Variants in HOMEZ observed in about 807,000 individuals in gnomAD.
The protein encoded by HOMEZ is homeobox and leucine zipper protein Homez.
A neutral mutation model predicts 50.1 loss-of-function variants in HOMEZ; 20 were observed. The observed-to-expected ratio is 0.40, with a 90% CI of 0.28 to 0.58. The LOEUF is 0.58. HOMEZ is among the 20% of genes least tolerant of loss of function. The pLI is 0.46. For missense variants in HOMEZ, 579 were observed against 680.5 expected (o/e 0.85, Z 1.66); for synonymous variants, 239 against 254.7 (o/e 0.94, Z 0.59).
chr14:23,272,776 T>C lies in HOMEZ; in HGVS notation c.*2799A>G, dbSNP rs1886202910. ...AGGTCAGAGAGACTTGCTTGCCCTT[T>C]TTGCTGTTATAAACACCCACATCTA... On this transcript the variant is annotated 3_prime_UTR_variant, in exon 2 of 2. Transcript: ENST00000357460. 2 of 1,256,282 alleles carry C rather than the reference T, an allele frequency of 1.6e-6. No homozygotes were observed. Among genetic ancestry groups the C allele is most frequent in the East Asian group, 5.0e-5 (2 of 39,608 alleles). The allele number at this position is 1,256,282 out of a possible 1,614,324, so 77.8% of individuals were successfully genotyped here. A position where few individuals can be genotyped will look rare whatever the true frequency, so the allele number is the denominator to read the frequency against.
At position 23,274,777 on chromosome 14, in the gene HOMEZ, G is replaced by A. The variant is rs1886300345; in HGVS notation, c.*798C>T. 1 of 152,140 alleles carries A rather than the reference G, an allele frequency of 6.6e-6. No homozygotes were observed. The allele number at this position is 152,140 out of a possible 1,614,324, so 9.4% of individuals were successfully genotyped here. A position where few individuals can be genotyped will look rare whatever the true frequency, so the allele number is the denominator to read the frequency against. ...AAAAAGTAGCCGGGTGTGGTGGCAGGTGCCTGTAGTCCCAGCTACTCGGGA... is the reference window on the plus strand; with the variant it reads ...AAAAAGTAGCCGGGTGTGGTGGCAGATGCCTGTAGTCCCAGCTACTCGGGA... On this transcript the variant is annotated 3_prime_UTR_variant, in exon 2 of 2. Coordinates refer to ENST00000357460, the MANE Select transcript of HOMEZ (RefSeq NM_020834.3).
chr14:23,278,553 A>G (rs1447791771), intron 1 of HOMEZ, among the ~76,000 whole-genome samples: 2 of 151,896 alleles, frequency 1.3e-5, no homozygotes, highest in Admixed American at 6.6e-5. Flanking sequence ...TTTTGTAGAC[A>G]GGGTCTCACT....
chr14:23,280,057 GC>G (rs1288015725), intron 1 of HOMEZ, among the ~76,000 whole-genome samples: 4 of 151,984 alleles, frequency 2.6e-5, no homozygotes, highest in Admixed American at 2.6e-4. Flanking sequence ...CCTCTGCCCA[GC>G]CCCCCTTTTT....
rs371370547 is a variant in HOMEZ, at chr14:23,275,864, G to A, written c.1364C>T (p.Pro455Leu). The change falls in exon 2 of 2, where the codon CCG (proline) becomes CTG (leucine). Residue 455 changes from proline to leucine, a missense_variant. Transcript: ENST00000357460. ...LNERAETPPL[P>L]IPPPPPDIQP... is the part of the protein sequence containing the mutation. Reference sequence around the variant, plus strand: ...TATATCCGGTGGGGGTGGAGGGATCGGCAGAGGTGGTGTCTCAGCCCTTTC... The same window carrying A: ...TATATCCGGTGGGGGTGGAGGGATCAGCAGAGGTGGTGTCTCAGCCCTTTC... 1.3e-5 allele frequency: 20 copies of A among 1,597,264 alleles called. No individual in the cohort carries two copies. In the Admixed American group the frequency reaches 1.5e-4, roughly 12 times the overall value.
At chr14:23,280,729 T>TATTTTATTTTA (rs1491113311) in intron 1 of HOMEZ, among the ~76,000 whole-genome samples, 3 of 68,086 alleles carry the variant, frequency 4.4e-5, no homozygotes, top group Non-Finnish European at 8.7e-5. Context: ...TATTTTATTT[T>TATTTTATTTTA]ATTTTATTTT....
rs780491384 is a variant in HOMEZ at position 23,276,793 on chromosome 14, C to A, written c.435G>T (p.Ala145=). ...GAGGCACCTCCTCTGGGGGCCGTCC[C>A]GCATGATGAGTAAAAGAGAGAAGGG... ...FKSLLSFTHH[A]GRPPEEVPPP... The change falls in exon 2 of 2, where the codon GCG becomes GCT. Residue 145 remains alanine, a synonymous_variant. Transcript: ENST00000357460. This position sits in a 1 kb window ranked among gnomAD's most constrained non-coding sequence, Gnocchi z 4.1. 1.2e-6 allele frequency: 2 copies of A among 1,614,036 alleles called. No individual in the cohort carries two copies. Among genetic ancestry groups the A allele is most frequent in the South Asian group, 1.1e-5 (1 of 91,084 alleles).
chr14:23,275,890 G>T lies in HOMEZ; in HGVS notation c.1338C>A (p.Asn446Lys). 6.2e-7 allele frequency: 1 copy of T among 1,601,562 alleles called. No homozygotes were observed. Among genetic ancestry groups the T allele is most frequent in the Non-Finnish European group, 8.5e-7 (1 of 1,173,208 alleles). ...PTPPPSTRSL[N>K]ERAETPPLPI... ...GCAGAGGTGGTGTCTCAGCCCTTTCGTTCAAGGAGCGGGTTGATGGTGGTG... is the reference window on the plus strand; with the variant it reads ...GCAGAGGTGGTGTCTCAGCCCTTTCTTTCAAGGAGCGGGTTGATGGTGGTG... The change falls in exon 2 of 2, where the codon AAC becomes AAA. Residue 446 changes from asparagine (N) to lysine (K), a missense_variant. By Grantham distance (94) the Asn-to-Lys change is moderately conservative. Coordinates refer to ENST00000357460, the MANE Select transcript of HOMEZ (RefSeq NM_020834.3).
rs1406116470 is a variant in HOMEZ at position 23,277,825 on chromosome 14, CTGTG to C, written c.41-642_41-639del. ...CTTTTTTTAGTGTGTATGTGTGTGT[CTGTG>C]TGTGTGTGCGTGTGTTTTGAGATGG... On this transcript the variant is annotated intron_variant, in intron 1 of 1. Coordinates refer to ENST00000357460, the MANE Select transcript of HOMEZ (RefSeq NM_020834.3). Among the ~76,000 whole-genome samples, 3 of 150,776 alleles carry C rather than the reference CTGTG, an allele frequency of 2.0e-5. No individual in the cohort carries two copies. In the South Asian group the frequency reaches 6.3e-4, roughly 32 times the overall value.
chr14:23,286,096 C>T lies in HOMEZ; in HGVS notation c.-144G>A, dbSNP rs1428259124. 1 of 1,230,298 alleles carries T rather than the reference C, an allele frequency of 8.1e-7. No individual in the cohort carries two copies. 76.2% of individuals were successfully genotyped at this position (1,230,298 alleles called of 1,614,324 possible). A position where few individuals can be genotyped will look rare whatever the true frequency, so the allele number is the denominator to read the frequency against. On this transcript the variant is annotated 5_prime_UTR_variant, in exon 1 of 2. Coordinates refer to ENST00000357460, the MANE Select transcript of HOMEZ (RefSeq NM_020834.3). ...CCGTCCCCGGGAGCGCGCCGGTCTACCCAGCCCTGCTCGAGCAAGTTGGAG... is the reference window on the plus strand; with the variant it reads ...CCGTCCCCGGGAGCGCGCCGGTCTATCCAGCCCTGCTCGAGCAAGTTGGAG...
chr14:23,276,612 T>G lies in HOMEZ; in HGVS notation c.616A>C (p.Met206Leu), dbSNP rs1483783446. 2.5e-6 allele frequency: 4 copies of G among 1,613,902 alleles called. No individual in the cohort carries two copies. The highest frequency in any genetic ancestry group is 3.4e-6 in the Non-Finnish European group (4 of 1,179,892). ...GGGAATGCTCCACTGCCAGGTGTCA[T>G]CAGGGACTCCTTTAATTTCTGGTGA... ...QSHQKLKESL[M>L]TPGSGAFPYQ... Residue 206 changes from methionine to leucine, a missense_variant, in exon 2 of 2, where the codon ATG becomes CTG. Coordinates refer to ENST00000357460, the MANE Select transcript of HOMEZ (RefSeq NM_020834.3). The surrounding 1 kb of genome is among the most constrained non-coding windows in gnomAD (Gnocchi z 4.1).
chr14:23,272,895 A>G lies in HOMEZ; in HGVS notation c.*2680T>C, dbSNP rs1290306118. ...AGCATGGACCACTTCTAGATAGATC[A>G]TCTTCAAGATCTGATCTATACATGC... On this transcript the variant is annotated 3_prime_UTR_variant, in exon 2 of 2. Transcript: ENST00000357460. The G allele has an allele frequency of 5.3e-6, 8 of 1,500,030 alleles. No homozygotes were observed. Among genetic ancestry groups the G allele is most frequent in the Non-Finnish European group, 7.2e-6 (8 of 1,106,728 alleles). 92.9% of individuals were successfully genotyped at this position (1,500,030 alleles called of 1,614,324 possible).
rs1408070710 is a variant in HOMEZ, at chr14:23,286,086, C to T, written c.-134G>A. ...GCCCCCCCCACCGTCCCCGGGAGCG[C>T]GCCGGTCTACCCAGCCCTGCTCGAG... On this transcript the variant is annotated 5_prime_UTR_variant, in exon 1 of 2. Coordinates refer to ENST00000357460, the MANE Select transcript of HOMEZ (RefSeq NM_020834.3). The T allele has an allele frequency of 1.6e-5, 20 of 1,230,310 alleles. No homozygotes were observed. The Admixed American group carries it at 4.6e-4, about 29-fold the overall frequency. 76.2% of individuals were successfully genotyped at this position (1,230,310 alleles called of 1,614,324 possible). A position where few individuals can be genotyped will look rare whatever the true frequency, so the allele number is the denominator to read the frequency against.
intron 1 of HOMEZ, among the ~76,000 whole-genome samples, chr14:23,281,837 A>C (rs1047754702): frequency 6.8e-6 from 1 of 147,802 alleles, no homozygotes; most frequent in Non-Finnish European, 1.5e-5. Flanking sequence ...AATAATAATA[A>C]TACAAAATAT....
rs1221112307 is a variant in HOMEZ, at chr14:23,272,988, A to G, written c.*2587T>C. The stretch of plus-strand genomic sequence containing the variant: ...ATGGCCCTGGAAAATGTATCCCTGC[A>G]TTGTTTCCTAGTTTCACTCTGTACC... On this transcript the variant is annotated 3_prime_UTR_variant, in exon 2 of 2. Coordinates refer to ENST00000357460, the MANE Select transcript of HOMEZ (RefSeq NM_020834.3). 6 of 675,344 alleles carry G rather than the reference A, an allele frequency of 8.9e-6. No individual in the cohort carries two copies. Among genetic ancestry groups the G allele is most frequent in the Non-Finnish European group, 1.5e-5 (6 of 404,434 alleles). 41.8% of individuals were successfully genotyped at this position (675,344 alleles called of 1,614,324 possible). A position where few individuals can be genotyped will look rare whatever the true frequency, so the allele number is the denominator to read the frequency against.
rs1886317749 is a variant in HOMEZ, at chr14:23,275,349, G to A, written c.*226C>T. 1 of 574,736 alleles carries A rather than the reference G, an allele frequency of 1.7e-6. No homozygotes were observed. The highest frequency in any genetic ancestry group is 3.0e-6 in the Non-Finnish European group (1 of 331,222). The allele number at this position is 574,736 out of a possible 1,614,324, so 35.6% of individuals were successfully genotyped here. On this transcript the variant is annotated 3_prime_UTR_variant, in exon 2 of 2. Coordinates refer to ENST00000357460, the MANE Select transcript of HOMEZ (RefSeq NM_020834.3). ...GATCCTTAGCACTCCCTACCCTAAGGTTAGAGGGTTGGATTTCTGCTGATC... is the reference window on the plus strand; with the variant it reads ...GATCCTTAGCACTCCCTACCCTAAGATTAGAGGGTTGGATTTCTGCTGATC...
chr14:23,280,685 TTTTATTTTTA>T (rs1369210247), intron 1 of HOMEZ, among the ~76,000 whole-genome samples: 2 of 130,198 alleles, frequency 1.5e-5, no homozygotes, highest in African/African-American at 5.6e-5. Context: ...ATCTGTTATA[TTTTATTTTTA>T]TTTTTATATT....
At chr14:23,280,920 C>CT in intron 1 of HOMEZ, among the ~76,000 whole-genome samples, 1 of 151,340 alleles carries the variant, frequency 6.6e-6, no homozygotes, top group South Asian at 2.1e-4. Context: ...ACTACAGGCG[C>CT]ACGCCACCAC....
chr14:23,275,253 T>C lies in HOMEZ; in HGVS notation c.*322A>G. The C allele has an allele frequency of 3.0e-6, 1 of 333,526 alleles. No individual in the cohort carries two copies. Among genetic ancestry groups the C allele is most frequent in the Non-Finnish European group, 5.4e-6 (1 of 183,582 alleles). The allele number at this position is 333,526 out of a possible 1,614,324, so 20.7% of individuals were successfully genotyped here. A position where few individuals can be genotyped will look rare whatever the true frequency, so the allele number is the denominator to read the frequency against. On this transcript the variant is annotated 3_prime_UTR_variant, in exon 2 of 2. Coordinates refer to ENST00000357460, the MANE Select transcript of HOMEZ (RefSeq NM_020834.3). ...GTGGTGCCAACATCTGGCCTCTGTA[T>C]AGTACACCAAGGGAAAAAAACAGCA...
chr14:23,276,952 ATAACG>A lies in HOMEZ; in HGVS notation c.271_275del (p.Arg91TrpfsTer21). On this transcript the variant is annotated frameshift_variant, in exon 2 of 2. Coordinates refer to ENST00000357460, the MANE Select transcript of HOMEZ (RefSeq NM_020834.3). LOFTEE classifies it high-confidence loss of function. This position sits in a 1 kb window ranked among gnomAD's most constrained non-coding sequence, Gnocchi z 4.1. ...TCTTGACTTTCTCCATCTGCAACCC[ATAACG>A]TAGGCAGAGAAGGGCAATGTCTGCT... 6.2e-7 allele frequency: 1 copy of A among 1,614,034 alleles called. No homozygotes were observed. Among genetic ancestry groups the A allele is most frequent in the African/African-American group, 1.3e-5 (1 of 75,056 alleles).
Sources: allele counts gnomAD v4.1 joint callset (sites outside exome capture counted in the v4.1 genomes callset), GRCh38; gene constraint gnomAD v4.1.1; non-coding constraint Gnocchi (gnomAD v3.1); transcripts MANE v1.5; gene names NCBI Gene and HGNC (gene_info 2026-07-23, HGNC 2026-07-21).